Variants in GALNT1 observed in about 807,000 individuals in gnomAD.
The protein encoded by GALNT1 is polypeptide N-acetylgalactosaminyltransferase 1, also known as GalNAc transferase 1.
GALNT1 carries 17 observed loss-of-function variants against 65.7 expected under a neutral mutation model. The ratio of observed to expected loss-of-function variants is 0.26; its 90% CI spans 0.18 to 0.39. GALNT1 has a LOEUF of 0.39. Ranked by LOEUF, GALNT1 falls within the 10% of genes least tolerant of loss-of-function variation. The pLI is 1.00. For missense variants in GALNT1, 460 were observed against 672.8 expected, an observed-to-expected ratio of 0.68 and a Z score of 3.50; for synonymous variants, 210 against 219.7, an observed-to-expected ratio of 0.96 and a Z score of 0.39.
intron 1 of GALNT1, among the ~76,000 whole-genome samples, chr18:35,609,039 ACT>A (rs1344146878): frequency 9.2e-5 from 14 of 152,020 alleles, no homozygotes; most frequent in Admixed American, 9.2e-4. Flanking sequence ...GTTATAGAAA[ACT>A]CTTCTCATTA....
upstream of GALNT1, chr18:35,581,426 G>A (rs1181891639): frequency 1.4e-5 from 2 of 147,108 alleles, no homozygotes; most frequent in Admixed American, 1.4e-4. Flanking sequence ...GAGGGGGCGC[G>A]CATCCGGGTG....
chr18:35,644,854 G>A (rs911309819), intron 1 of GALNT1, among the ~76,000 whole-genome samples: 1 of 152,044 alleles, frequency 6.6e-6, no homozygotes, highest in Admixed American at 6.6e-5. Flanking sequence ...AGCTAGGCAT[G>A]GTGGCATGCA....
intron 5 of GALNT1, among the ~76,000 whole-genome samples, chr18:35,684,340 A>G (rs2047834303): frequency 6.6e-6 from 1 of 152,210 alleles, no homozygotes; most frequent in Non-Finnish European, 1.5e-5. Flanking sequence ...CAAATGCTGG[A>G]TCTATATTTT....
At chr18:35,696,445 C>T (rs78616418) in intron 9 of GALNT1, among the ~76,000 whole-genome samples, 2,478 of 152,328 alleles carry the variant, frequency 0.016, 69 homozygotes, top group African/African-American at 0.055. Context: ...CGCTGACGTT[C>T]GTAGTTCCTG....
intron 2 of GALNT1, among the ~76,000 whole-genome samples, chr18:35,655,597 A>G (rs1021475512): frequency 6.6e-6 from 1 of 151,136 alleles, no homozygotes; most frequent in African/African-American, 2.4e-5. Flanking sequence ...GATTAGTTAT[A>G]GAATACATGG....
At chr18:35,691,864 G>T (rs1320042581) in intron 8 of GALNT1, among the ~76,000 whole-genome samples, 1 of 152,124 alleles carries the variant, frequency 6.6e-6, no homozygotes, top group East Asian at 1.9e-4. Context: ...GCAAACAATT[G>T]CTCTGTTTAA....
rs533366327 is a variant in GALNT1 at position 35,640,617 on chromosome 18, G to C, written c.-103-13943G>C. 2.6e-5 allele frequency among the ~76,000 whole-genome samples: 4 copies of C among 152,298 alleles called. No homozygotes were observed. In the East Asian group the frequency reaches 7.7e-4, roughly 29 times the overall value. On this transcript the variant is annotated intron_variant, in intron 1 of 11. Transcript: ENST00000269195. ...TAAAATTTTTGAGGAAGACTTAACA[G>C]GTCAGGAGTAGCCAAGACACTCCTC...
At chr18:35,596,772 T>C (rs1482693388) in intron 1 of GALNT1, 2 of 152,202 alleles carry the variant, frequency 1.3e-5, no homozygotes, top group African/African-American at 4.8e-5. Flanking sequence ...GCTCATCACA[T>C]CTTAGCCTCT....
In GALNT1 at chr18:35,709,962, C is replaced by T. The variant is rs1350675751; in HGVS notation, c.*192C>T. ...GTGAACCAGCCTTCCTGTCCATGGACGTGAAACTGCATAGTAATGAGACTG... is the reference window on the plus strand; with the variant it reads ...GTGAACCAGCCTTCCTGTCCATGGATGTGAAACTGCATAGTAATGAGACTG... On this transcript the variant is annotated 3_prime_UTR_variant, in exon 12 of 12. Transcript: ENST00000269195. 7 of 595,860 alleles carry T rather than the reference C, an allele frequency of 1.2e-5. No homozygotes were observed. Among genetic ancestry groups the T allele is most frequent in the African/African-American group, 3.7e-5 (2 of 53,770 alleles). 36.9% of individuals were successfully genotyped at this position (595,860 alleles called of 1,614,324 possible). A position where few individuals can be genotyped will look rare whatever the true frequency, so the allele number is the denominator to read the frequency against.
intron 1 of GALNT1, among the ~76,000 whole-genome samples, chr18:35,631,431 T>A (rs1290727051): frequency 6.6e-6 from 1 of 152,154 alleles, no homozygotes; most frequent in Non-Finnish European, 1.5e-5. Context: ...TAATCCAGCA[T>A]ATAAACAGAA....
chr18:35,684,941 A>G (rs904737262), intron 5 of GALNT1, among the ~76,000 whole-genome samples: 6 of 152,200 alleles, frequency 3.9e-5, no homozygotes, highest in African/African-American at 1.4e-4. Context: ...TGAAATCTGT[A>G]TCTTAGTATA....
At position 35,710,529 on chromosome 18, in the gene GALNT1, TG is replaced by T. The variant is rs1345665535; in HGVS notation, c.*761del. ...ATTTCTCTCTACAGTTTTTTTTGTT[TG>T]GTTTGTGGGCTGTTGGAATTGTAAT... On this transcript the variant is annotated 3_prime_UTR_variant, in exon 12 of 12. Transcript: ENST00000269195. 1 of 152,266 alleles carries T rather than the reference TG, an allele frequency of 6.6e-6. No individual in the cohort carries two copies. Among genetic ancestry groups the T allele is most frequent in the Non-Finnish European group, 1.5e-5 (1 of 68,016 alleles). The allele number at this position is 152,266 out of a possible 1,614,324, so 9.4% of individuals were successfully genotyped here.
In GALNT1 at chr18:35,689,351, T is replaced by G. The variant is rs911322525; in HGVS notation, c.978+61T>G. 6.8e-5 allele frequency: 61 copies of G among 903,174 alleles called. No individual in the cohort carries two copies. In the East Asian group the frequency reaches 6.9e-4, roughly 10 times the overall value. The allele number at this position is 903,174 out of a possible 1,614,324, so 55.9% of individuals were successfully genotyped here. ...ACTTCAAGTATAGATGTGCATTGAT[T>G]ATTCATGTATCTCTACATAAAAAAT... On this transcript the variant is annotated intron_variant, in intron 7 of 11. Transcript: ENST00000269195.
At chr18:35,597,137 A>G (rs1240325377) in intron 1 of GALNT1, 5 of 152,222 alleles carry the variant, frequency 3.3e-5, no homozygotes, top group Non-Finnish European at 7.3e-5. Context: ...GATTGAACCC[A>G]GTCTGTTCTT....
rs143156905 is a variant in GALNT1, at chr18:35,687,852, T to C, written c.860+666T>C. Among the ~76,000 whole-genome samples, 53 of 152,260 alleles carry C rather than the reference T, an allele frequency of 3.5e-4. 2 individuals carry two copies. The highest frequency in any genetic ancestry group is 1.3e-3 in the African/African-American group (52 of 41,546). ...CCCCATTGTACCGACCTGCTACTTC[T>C]GTATTAAGAGTTCCTTCAGAACCAG... On this transcript the variant is annotated intron_variant, in intron 6 of 11. Transcript: ENST00000269195.
At chr18:35,653,155 G>C (rs546441648) in intron 1 of GALNT1, among the ~76,000 whole-genome samples, 64 of 152,322 alleles carry the variant, frequency 4.2e-4, no homozygotes, top group African/African-American at 1.4e-3. Flanking sequence ...GCATGATTTT[G>C]AGGTAAGAAC....
chr18:35,581,739 C>T (rs1413459010), upstream of GALNT1: 2 of 12,498 alleles, frequency 1.6e-4, no homozygotes, highest in Non-Finnish European at 3.0e-4. Flanking sequence ...GAGCCGCCGG[C>T]AGTGGCCGAG....
At chr18:35,607,073 A>G (rs950612886) in intron 1 of GALNT1, among the ~76,000 whole-genome samples, 5 of 152,070 alleles carry the variant, frequency 3.3e-5, no homozygotes, top group African/African-American at 1.2e-4. Context: ...ACCTGCTGTG[A>G]TATGACCTGG....
At chr18:35,617,146 C>A (rs1456974872) in intron 1 of GALNT1, among the ~76,000 whole-genome samples, 3 of 152,006 alleles carry the variant, frequency 2.0e-5, no homozygotes, top group Non-Finnish European at 4.4e-5. Context: ...TCTCTAGACT[C>A]TTCTCTCACA....
Sources: gnomAD v4.1 joint callset for allele counts (sites outside exome capture counted in the v4.1 genomes callset) on GRCh38, gnomAD v4.1.1 for gene constraint, MANE v1.5 for transcripts, NCBI Gene and HGNC (gene_info 2026-07-23, HGNC 2026-07-21) for gene names.